NRXN3: variants seen among roughly 807,000 people sequenced by gnomAD.
The protein encoded by NRXN3 is neurexin 3.
A neutral mutation model predicts 137.6 loss-of-function variants in NRXN3; 32 were observed. The ratio of observed to expected loss-of-function variants is 0.23; its 90% CI spans 0.18 to 0.31. The LOEUF is 0.31. Ranked by LOEUF, NRXN3 falls within the 10% of genes least tolerant of loss-of-function variation. The pLI is 1.00. For synonymous variants in NRXN3, 798 were observed against 784.5 expected (o/e 1.02, Z -0.29); for missense variants, 1,574 against 2,062.5 (o/e 0.76, Z 4.59).
intron 10 of NRXN3, among the ~76,000 whole-genome samples, chr14:78,919,264 G>A (rs1388050986): frequency 6.6e-6 from 1 of 152,086 alleles, no homozygotes; most frequent in African/African-American, 2.4e-5. Flanking sequence ...CCTGAGTATG[G>A]TGTTGCTTTT....
chr14:78,182,328 A>C (rs868101725), intron 1 of NRXN3, among the ~76,000 whole-genome samples: 4 of 149,396 alleles, frequency 2.7e-5, no homozygotes, highest in Middle Eastern at 3.4e-3. Context: ...GCTCTCCTAC[A>C]CTTAACATCC....
intron 4 of NRXN3, among the ~76,000 whole-genome samples, chr14:78,338,827 A>G (rs1225054084): frequency 6.6e-6 from 1 of 152,204 alleles, no homozygotes; most frequent in African/African-American, 2.4e-5. Flanking sequence ...TTAACACTTT[A>G]ACACTTGAAA....
chr14:78,807,717 A>G (rs1423713273), intron 9 of NRXN3, among the ~76,000 whole-genome samples: 4 of 150,908 alleles, frequency 2.7e-5, no homozygotes, highest in African/African-American at 9.8e-5. Flanking sequence ...CCTGGGCAAT[A>G]AAGTGAGATT....
At chr14:79,037,451 C>G (rs553555802) in intron 15 of NRXN3, among the ~76,000 whole-genome samples, 3 of 152,202 alleles carry the variant, frequency 2.0e-5, no homozygotes, top group East Asian at 1.9e-4. Flanking sequence ...AATTTTCCAC[C>G]ATTTATGCCA....
At chr14:78,724,101 T>C (rs933607470) in intron 8 of NRXN3, among the ~76,000 whole-genome samples, 5 of 152,202 alleles carry the variant, frequency 3.3e-5, no homozygotes, top group Non-Finnish European at 5.9e-5. Flanking sequence ...CTGGCCATAT[T>C]TGAAATTAAG....
At chr14:79,394,663 G>T (rs1420309184) in intron 15 of NRXN3, among the ~76,000 whole-genome samples, 1 of 152,048 alleles carries the variant, frequency 6.6e-6, no homozygotes, top group Admixed American at 6.6e-5. Context: ...TTTGAGACAG[G>T]GGCAGGACTT....
intron 15 of NRXN3, among the ~76,000 whole-genome samples, chr14:79,433,219 A>G (rs573101548): frequency 6.6e-6 from 1 of 152,278 alleles, no homozygotes; most frequent in Non-Finnish European, 1.5e-5. Flanking sequence ...TTTCCAATTT[A>G]CCTCTTAGGA....
intron 19 of NRXN3, among the ~76,000 whole-genome samples, chr14:79,709,350 T>C (rs192391702): frequency 1.3e-5 from 2 of 152,248 alleles, no homozygotes; most frequent in Admixed American, 6.5e-5. Context: ...TTAATGTAAG[T>C]GAAAGGGTGG....
intron 4 of NRXN3, among the ~76,000 whole-genome samples, chr14:78,314,391 G>A (rs1274135523): frequency 6.6e-6 from 1 of 152,182 alleles, no homozygotes; most frequent in Non-Finnish European, 1.5e-5. Context: ...GTGCAGATTG[G>A]TGGGTGGTGA....
chr14:79,358,607 G>GAAAGAAGGAAAGAAAGAAAGAA (rs10667477), intron 15 of NRXN3, among the ~76,000 whole-genome samples: 35 of 79,984 alleles, frequency 4.4e-4, no homozygotes, highest in African/African-American at 1.1e-3. Flanking sequence ...AAGAAAGAAA[G>GAAAGAAGGAAAGAAAGAAAGAA]AGAAAGAAAG....
chr14:79,818,476 A>G (rs1417697613), intron 20 of NRXN3, among the ~76,000 whole-genome samples: 1 of 152,214 alleles, frequency 6.6e-6, no homozygotes, highest in African/African-American at 2.4e-5. Context: ...AGCTTGGGTT[A>G]AGATACTGCA....
intron 15 of NRXN3, among the ~76,000 whole-genome samples, chr14:79,137,323 C>T (rs1490503903): frequency 1.3e-5 from 2 of 152,204 alleles, no homozygotes; most frequent in East Asian, 1.9e-4. Flanking sequence ...TAACTGTGTA[C>T]TGTTGAAACA....
At chr14:79,728,288 C>T (rs2098904494) in intron 19 of NRXN3, among the ~76,000 whole-genome samples, 1 of 152,186 alleles carries the variant, frequency 6.6e-6, no homozygotes, top group African/African-American at 2.4e-5. Context: ...CTTCTTCCAG[C>T]CCAGGGAGAG....
chr14:79,007,243 C>T (rs746410055), intron 15 of NRXN3, among the ~76,000 whole-genome samples: 1 of 152,114 alleles, frequency 6.6e-6, no homozygotes, highest in African/African-American at 2.4e-5. Context: ...ATCTACAATA[C>T]GTACACCTGC....
At chr14:78,651,144 G>A (rs772918095) in intron 5 of NRXN3, 21 bp from the exon 6 acceptor site, 2 of 1,599,204 alleles carry the variant, frequency 1.3e-6, no homozygotes, top group South Asian at 1.1e-5. Flanking sequence ...GATTTTTTTT[G>A]TCCCTATGTC....
chr14:79,505,467 G>A (rs2096869445), intron 16 of NRXN3, among the ~76,000 whole-genome samples: 1 of 152,082 alleles, frequency 6.6e-6, no homozygotes. Context: ...CATATGGAAG[G>A]ATTTTATGGA....
chr14:79,006,634 C>T (rs1014072945), intron 15 of NRXN3, among the ~76,000 whole-genome samples: 2 of 151,866 alleles, frequency 1.3e-5, no homozygotes, highest in Non-Finnish European at 2.9e-5. Context: ...TATATTAGAG[C>T]CTCTTTTTCT....
chr14:79,578,219 C>T (rs1196940620), intron 16 of NRXN3, among the ~76,000 whole-genome samples: 3 of 152,174 alleles, frequency 2.0e-5, no homozygotes, highest in Admixed American at 2.0e-4. Context: ...AGGAAAGGGA[C>T]ACATGGGGCA....
intron 20 of NRXN3, among the ~76,000 whole-genome samples, chr14:79,840,553 T>TA (rs1305470699): frequency 1.3e-5 from 2 of 152,248 alleles, no homozygotes; most frequent in Non-Finnish European, 2.9e-5. Context: ...CTGAATATTT[T>TA]AAAAAACTGG....
Sources: allele counts gnomAD v4.1 joint callset (sites outside exome capture counted in the v4.1 genomes callset), GRCh38; gene constraint gnomAD v4.1.1; transcripts MANE v1.5; gene names NCBI Gene and HGNC (gene_info 2026-07-23, HGNC 2026-07-21).